Variants in DOCK8 observed in about 807,000 individuals in gnomAD.
The protein encoded by DOCK8 is dedicator of cytokinesis protein 8.
A neutral mutation model predicts 245.6 loss-of-function variants in DOCK8; 141 were observed. That is an observed-to-expected ratio of 0.57 (90% CI 0.50 to 0.66). The LOEUF (loss-of-function observed/expected upper bound fraction) is 0.66, where lower values mean the gene tolerates loss of function less well. DOCK8 is among the 30% of genes least tolerant of loss of function. The pLI is 0.00. For missense variants in DOCK8, 2,965 were observed against 2,603.4 expected, an observed-to-expected ratio of 1.14 and a Z score of -3.02; for synonymous variants, 1,168 against 970.2, an observed-to-expected ratio of 1.20 and a Z score of -3.79.
chr9:463,677 A>G lies in DOCK8; in HGVS notation c.6229A>G (p.Ser2077Gly). 3 of 1,613,806 alleles carry G rather than the reference A, an allele frequency of 1.9e-6. No homozygotes were observed. The highest frequency in any genetic ancestry group is 2.5e-6 in the Non-Finnish European group (3 of 1,180,026). Residue 2077 changes from serine to glycine, a missense_variant, in exon 47 of 48, where the codon AGT (serine) becomes GGT (glycine). Ser to Gly is a moderately conservative substitution (Grantham distance 56). This residue lies in a region of DOCK8 where 134 missense variants were observed against 128.1 expected (regional missense o/e 1.05). Coordinates refer to ENST00000432829, the MANE Select transcript of DOCK8 (RefSeq NM_203447.4). ...ELYKPIFRVE[S>G]QKRDSFHRSS... is the part of the protein sequence containing the mutation. ...GTACAAGCCAATATTCAGAGTTGAG[A>G]GTCAAAAGAGGTAAGAACAGGGCAG...
chr9:299,158 G>A (rs1347492073), intron 4 of DOCK8, among the ~76,000 whole-genome samples: 1 of 152,132 alleles, frequency 6.6e-6, no homozygotes, highest in East Asian at 1.9e-4. Context: ...CAGCCAGGAT[G>A]TTAGATCACA....
chr9:211,392 C>G (rs1027748045), upstream of DOCK8, among the ~76,000 whole-genome samples: 2 of 151,930 alleles, frequency 1.3e-5, no homozygotes, highest in African/African-American at 4.8e-5. Context: ...ATAGAGGCTA[C>G]AGGAAGTCAC....
intron 28 of DOCK8, among the ~76,000 whole-genome samples, chr9:408,319 C>T (rs779244863): frequency 7.9e-5 from 12 of 152,334 alleles, no homozygotes; most frequent in Non-Finnish European, 1.6e-4. Context: ...GCTGAAGTGA[C>T]TCTATGTCTG....
Position 317,054 on chromosome 9 carries a change from G to A in DOCK8, c.753G>A (p.Val251=). Reference sequence around the variant, plus strand: ...GTGATTAAAAATAGGAGGATGCTGTGGAAATACGTCCAGTACCAGAATGTC... The same window carrying A: ...GTGATTAAAAATAGGAGGATGCTGTAGAAATACGTCCAGTACCAGAATGTC... The part of the protein sequence containing the change: ...LYPSVDEEDA[V]EIRPVPECPK... Residue 251 remains valine, a synonymous_variant, in exon 7 of 48, where the codon GTG becomes GTA. Transcript: ENST00000432829. 3.1e-6 allele frequency: 5 copies of A among 1,613,488 alleles called. No homozygotes were observed. Among genetic ancestry groups the A allele is most frequent in the Non-Finnish European group, 4.2e-6 (5 of 1,179,410 alleles).
chr9:252,930 A>T (rs1287341650), intron 1 of DOCK8, among the ~76,000 whole-genome samples: 1 of 152,218 alleles, frequency 6.6e-6, no homozygotes, highest in Non-Finnish European at 1.5e-5. Flanking sequence ...TGAGAAATGG[A>T]TGAAGTTGGT....
At chr9:239,936 T>C (rs923237168) in intron 1 of DOCK8, among the ~76,000 whole-genome samples, 1 of 152,228 alleles carries the variant, frequency 6.6e-6, no homozygotes, top group East Asian at 1.9e-4. Flanking sequence ...TCAGTCTGTA[T>C]TGAGCTACAT....
chr9:413,470 A>G (rs994267630), intron 28 of DOCK8, among the ~76,000 whole-genome samples: 4 of 152,250 alleles, frequency 2.6e-5, no homozygotes, highest in African/African-American at 9.6e-5. Context: ...TGAAAAGGCA[A>G]CACACAAAAT....
chr9:432,597 C>T lies in DOCK8; in HGVS notation c.4785+273C>T, dbSNP rs527532356. Among the ~76,000 whole-genome samples, 8 of 152,146 alleles carry T rather than the reference C, an allele frequency of 5.3e-5. No individual in the cohort carries two copies. In the South Asian group the frequency reaches 1.5e-3, roughly 28 times the overall value. On this transcript the variant is annotated intron_variant, in intron 37 of 47. Coordinates refer to ENST00000432829, the MANE Select transcript of DOCK8 (RefSeq NM_203447.4). ...GTACAAGACAAGTGATACATAAGTG[C>T]AAACTGTGTGGTAAGGAGCTAAATG...
In DOCK8 at chr9:304,619, C is replaced by T; in HGVS notation, c.443C>T (p.Thr148Ile). Residue 148 changes from threonine to isoleucine, a missense_variant, in exon 5 of 48, where the codon ACT becomes ATT. Thr to Ile is a moderately conservative substitution (Grantham distance 89). Transcript: ENST00000432829. ...GSPEICGFKK[T>I]GSRKDFHKTL... ...CCAGAAATCTGTGGCTTTAAAAAGA[C>T]TGGATCTCGAAAAGATTTTCACAAG... The T allele has an allele frequency of 6.2e-7, 1 of 1,614,186 alleles. No homozygotes were observed. Among genetic ancestry groups the T allele is most frequent in the Non-Finnish European group, 8.5e-7 (1 of 1,180,026 alleles).
chr9:291,103 C>CTATCAT (rs1342677406), intron 4 of DOCK8, among the ~76,000 whole-genome samples: 17 of 152,186 alleles, frequency 1.1e-4, no homozygotes, highest in Admixed American at 4.6e-4. Context: ...TTTTTAAATG[C>CTATCAT]TATCATTAGA....
intron 34 of DOCK8, among the ~76,000 whole-genome samples, chr9:427,457 G>A (rs1254464243): frequency 1.3e-5 from 2 of 152,182 alleles, no homozygotes; most frequent in Non-Finnish European, 2.9e-5. Context: ...GTTAAGGAAA[G>A]TCATTTGTAC....
At chr9:286,358 C>G in intron 2 of DOCK8, 103 bp from the exon 3 acceptor site, 5 of 1,347,318 alleles carry the variant, frequency 3.7e-6, no homozygotes. Flanking sequence ...GAGCGAAGTA[C>G]TTACTAAGTC....
chr9:366,464 C>G (rs1214644066), intron 14 of DOCK8: 2 of 152,294 alleles, frequency 1.3e-5, no homozygotes, highest in African/African-American at 2.4e-5. Context: ...TCTCGAATAC[C>G]TGAGAGCATT....
chr9:395,917 T>C (rs1163499642), intron 24 of DOCK8, among the ~76,000 whole-genome samples: 1 of 152,210 alleles, frequency 6.6e-6, no homozygotes, highest in African/African-American at 2.4e-5. Flanking sequence ...TATCTGTATA[T>C]AAATATCTTT....
At chr9:232,584 T>G (rs62531265) in intron 1 of DOCK8, among the ~76,000 whole-genome samples, 10,008 of 152,150 alleles carry the variant, frequency 0.066, 324 homozygotes, top group African/African-American at 0.081. Flanking sequence ...TCCTGTTATT[T>G]GTCTATTCAG....
At chr9:349,167 T>G (rs747803960) in intron 14 of DOCK8, among the ~76,000 whole-genome samples, 1 of 152,128 alleles carries the variant, frequency 6.6e-6, no homozygotes, top group Non-Finnish European at 1.5e-5. Flanking sequence ...GAGCTGTGAG[T>G]AGTTGAAAGG....
chr9:406,937 G>T lies in DOCK8; in HGVS notation c.3398G>T (p.Ser1133Ile), dbSNP rs767626445. 6.2e-7 allele frequency: 1 copy of T among 1,613,944 alleles called. No homozygotes were observed. Among genetic ancestry groups the T allele is most frequent in the East Asian group, 2.2e-5 (1 of 44,892 alleles). ...PCPSISSQNS[S>I]SCSSFQDQKI... Reference sequence around the variant, plus strand: ...CTCCTTACGTTTCTGTAGAACTCAAGCTCCTGCTCCAGCTTCCAGGACCAG... The same window carrying T: ...CTCCTTACGTTTCTGTAGAACTCAATCTCCTGCTCCAGCTTCCAGGACCAG... The change falls in exon 28 of 48, where the codon AGC (serine) becomes ATC (isoleucine). Residue 1133 changes from serine (S) to isoleucine (I), a missense_variant. This residue lies in a region of DOCK8 where 2,825 missense variants were observed against 2,453.5 expected (regional missense o/e 1.15). Transcript: ENST00000432829.
In DOCK8 at chr9:246,803, A is replaced by G. The variant is rs2047515703; in HGVS notation, c.54-24824A>G. Among the ~76,000 whole-genome samples the G allele has an allele frequency of 2.6e-5, 4 of 152,054 alleles. No homozygotes were observed. The East Asian group carries it at 5.8e-4, about 22-fold the overall frequency. On this transcript the variant is annotated intron_variant, in intron 1 of 47. Coordinates refer to ENST00000432829, the MANE Select transcript of DOCK8 (RefSeq NM_203447.4). ...ATTTATTTATTTATTTATTTTAGAG[A>G]TGAAGTCTTGCAATGTTGCCCAGGC...
chr9:336,198 G>A (rs948225418), intron 11 of DOCK8, among the ~76,000 whole-genome samples: 13 of 152,216 alleles, frequency 8.5e-5, no homozygotes, highest in African/African-American at 3.1e-4. Context: ...GGGCATTTGA[G>A]TACATGCCTC....
Sources: gnomAD v4.1 joint callset for allele counts (sites outside exome capture counted in the v4.1 genomes callset) on GRCh38, gnomAD v4.1.1 for gene constraint, gnomAD v4.1.1 regional missense constraint, MANE v1.5 for transcripts, NCBI Gene and HGNC (gene_info 2026-07-23, HGNC 2026-07-21) for gene names.